The following NRXN1 variants were observed in gnomAD, a reference collection of about 807,000 sequenced individuals.
The protein encoded by NRXN1 is neurexin-1.
In NRXN1, 39 loss-of-function variants were observed where a neutral mutation model predicts 150.9. The observed-to-expected ratio is 0.26, with a 90% CI of 0.20 to 0.34. The LOEUF (loss-of-function observed/expected upper bound fraction) is 0.34, where lower values mean the gene tolerates loss of function less well. Ranked by LOEUF, NRXN1 falls within the 10% of genes least tolerant of loss-of-function variation. The pLI is 1.00. For synonymous variants in NRXN1, 924 were observed against 757.0 expected (o/e 1.22, Z -3.62); for missense variants, 1,815 against 1,949.9 (o/e 0.93, Z 1.30).
intron 18 of NRXN1, among the ~76,000 whole-genome samples, chr2:50,227,782 A>T (rs1180510081): frequency 6.6e-6 from 1 of 152,060 alleles, no homozygotes; most frequent in African/African-American, 2.4e-5. Context: ...ATAAAAAGCA[A>T]GCAGATACCT....
At chr2:50,286,165 C>T (rs1316264700) in intron 17 of NRXN1, among the ~76,000 whole-genome samples, 4 of 152,124 alleles carry the variant, frequency 2.6e-5, no homozygotes, top group Admixed American at 2.6e-4. Context: ...ACTGTCTTAG[C>T]ATTTTTCAAG....
intron 5 of NRXN1, among the ~76,000 whole-genome samples, chr2:50,762,665 A>G (rs986791471): frequency 1.3e-5 from 2 of 151,914 alleles, no homozygotes; most frequent in Admixed American, 1.3e-4. Flanking sequence ...TGCAAAAAAC[A>G]TGATTTCATT....
At chr2:50,607,016 T>C (rs559752104) in intron 8 of NRXN1, among the ~76,000 whole-genome samples, 13 of 152,258 alleles carry the variant, frequency 8.5e-5, no homozygotes, top group East Asian at 3.9e-4. Context: ...GTATTTTCAG[T>C]GTTATTGTCA....
intron 17 of NRXN1, among the ~76,000 whole-genome samples, chr2:50,342,696 T>C (rs774814115): frequency 1.3e-5 from 2 of 152,238 alleles, no homozygotes; most frequent in Non-Finnish European, 2.9e-5. Flanking sequence ...AGCAAAACGC[T>C]GGACCATGTA....
chr2:49,937,785 G>T (rs4143112), intron 22 of NRXN1, among the ~76,000 whole-genome samples: 26,424 of 152,086 alleles, frequency 0.17, 2,557 homozygotes, highest in East Asian at 0.3. Flanking sequence ...ACTAATTAAA[G>T]TCACTTTTGA....
At chr2:50,164,492 T>C (rs1470893049) in intron 18 of NRXN1, among the ~76,000 whole-genome samples, 1 of 152,212 alleles carries the variant, frequency 6.6e-6, no homozygotes, top group Non-Finnish European at 1.5e-5. Flanking sequence ...TTGATAGTCA[T>C]TTTTAATTGG....
chr2:50,160,283 G>A (rs1419559020), intron 18 of NRXN1, among the ~76,000 whole-genome samples: 1 of 152,068 alleles, frequency 6.6e-6, no homozygotes, highest in Non-Finnish European at 1.5e-5. Context: ...GCTAACGTCT[G>A]TAATCCCAGC....
intron 17 of NRXN1, among the ~76,000 whole-genome samples, chr2:50,321,881 A>C (rs560043677): frequency 6.6e-6 from 1 of 152,274 alleles, no homozygotes; most frequent in East Asian, 1.9e-4. Context: ...TATGACATTA[A>C]ATGATCTAGA....
chr2:50,404,648 A>C (rs941805701), intron 17 of NRXN1, among the ~76,000 whole-genome samples: 6 of 152,090 alleles, frequency 3.9e-5, no homozygotes, highest in African/African-American at 1.4e-4. Context: ...AAGGGTAACA[A>C]TTGTGAGAAA....
chr2:49,951,134 T>C (rs1348728011), intron 21 of NRXN1, among the ~76,000 whole-genome samples: 1 of 151,872 alleles, frequency 6.6e-6, no homozygotes, highest in African/African-American at 2.4e-5. Context: ...CTGGTTCTCC[T>C]AACAGGCAAA....
chr2:49,930,603 AC>A (rs1669963434), intron 22 of NRXN1, among the ~76,000 whole-genome samples: 1 of 152,220 alleles, frequency 6.6e-6, no homozygotes, highest in South Asian at 2.1e-4. Flanking sequence ...TTAATTCTAT[AC>A]TATTGTAAAA....
intron 15 of NRXN1, among the ~76,000 whole-genome samples, chr2:50,479,774 T>TC (rs1553673264): frequency 7.7e-6 from 1 of 129,292 alleles, no homozygotes; most frequent in South Asian, 2.7e-4. Flanking sequence ...TTTCTTTTTT[T>TC]TTTTTTTTTT....
intron 17 of NRXN1, among the ~76,000 whole-genome samples, chr2:50,325,387 C>G (rs1468826196): frequency 6.6e-6 from 1 of 152,180 alleles, no homozygotes; most frequent in African/African-American, 2.4e-5. Context: ...CCCACCAGGT[C>G]CCATGGCGGA....
At chr2:51,017,169 G>A (rs1290632559) in intron 2 of NRXN1, among the ~76,000 whole-genome samples, 2 of 151,930 alleles carry the variant, frequency 1.3e-5, no homozygotes, top group African/African-American at 2.4e-5. Flanking sequence ...CGGATTGATA[G>A]GTGCAGCAAA....
At chr2:50,611,050 T>C (rs1024393148) in intron 8 of NRXN1, among the ~76,000 whole-genome samples, 28 of 150,038 alleles carry the variant, frequency 1.9e-4, no homozygotes, top group Middle Eastern at 6.8e-3. Context: ...ACCTGGCCCA[T>C]ACTAGATAGT....
chr2:51,026,293 G>C (rs976812444), intron 2 of NRXN1: 41 of 909,562 alleles, frequency 4.5e-5, no homozygotes, highest in Non-Finnish European at 6.9e-5. Context: ...GCCTTGCTTT[G>C]ACCCATAAGC....
At chr2:50,935,687 A>G (rs1306531531) in intron 2 of NRXN1, among the ~76,000 whole-genome samples, 1 of 152,098 alleles carries the variant, frequency 6.6e-6, no homozygotes, top group Non-Finnish European at 1.5e-5. Context: ...AGATCACACC[A>G]CTGCACTCCA....
At chr2:50,824,870 T>C (rs1670232853) in intron 5 of NRXN1, among the ~76,000 whole-genome samples, 2 of 152,198 alleles carry the variant, frequency 1.3e-5, no homozygotes, top group Non-Finnish European at 2.9e-5. Context: ...ATACTTGTTT[T>C]AAAATTGCAT....
At chr2:50,276,909 A>C (rs542168245) in intron 17 of NRXN1, among the ~76,000 whole-genome samples, 1 of 152,254 alleles carries the variant, frequency 6.6e-6, no homozygotes, top group Admixed American at 6.5e-5. Context: ...CTCTTTGGCC[A>C]TTTCAATCCA....
Sources: gnomAD v4.1 joint callset for allele counts (sites outside exome capture counted in the v4.1 genomes callset) on GRCh38, gnomAD v4.1.1 for gene constraint, MANE v1.5 for transcripts, NCBI Gene and HGNC (gene_info 2026-07-23, HGNC 2026-07-21) for gene names.